SCMH1: variants seen among roughly 807,000 people sequenced by gnomAD.
The protein encoded by SCMH1 is polycomb protein SCMH1.
Under a neutral mutation model 70.8 loss-of-function variants are expected in SCMH1, and 37 were observed. The ratio of observed to expected loss-of-function variants is 0.52; its 90% confidence interval spans 0.40 to 0.69. The LOEUF is 0.69. Ranked by LOEUF, SCMH1 falls within the 30% of genes least tolerant of loss-of-function variation. The pLI is 0.00. For synonymous variants in SCMH1, 292 were observed against 307.4 expected (o/e 0.95, Z 0.52); for missense variants, 607 against 827.3 (o/e 0.73, Z 3.27).
intron 2 of SCMH1, among the ~76,000 whole-genome samples, chr1:41,175,153 A>C (rs1045562153): frequency 6.6e-6 from 1 of 152,226 alleles, no homozygotes; most frequent in African/African-American, 2.4e-5. Context: ...TTAACATTTG[A>C]ATCAGTAGAC....
chr1:41,174,624 T>A (rs1008844348), intron 2 of SCMH1, among the ~76,000 whole-genome samples: 8 of 152,174 alleles, frequency 5.3e-5, no homozygotes, highest in Non-Finnish European at 1.0e-4. Flanking sequence ...AGATAAGTTA[T>A]AAATACCAGC....
At chr1:41,070,821 G>T in intron 9 of SCMH1, 100 bp from the exon 10 acceptor site, 3 of 1,382,614 alleles carry the variant, frequency 2.2e-6, no homozygotes, top group Non-Finnish European at 3.0e-6. Flanking sequence ...TATATTTATG[G>T]ATGGAATAGT....
At chr1:41,028,801 C>T in intron 13 of SCMH1, 75 bp from the exon 15 acceptor site, 2 of 1,521,454 alleles carry the variant, frequency 1.3e-6, no homozygotes, top group Admixed American at 1.7e-5. Context: ...CTTGGCACAT[C>T]TCAGTGGCCT....
chr1:41,127,452 T>C (rs1047184504), intron 6 of SCMH1, among the ~76,000 whole-genome samples: 4 of 152,166 alleles, frequency 2.6e-5, no homozygotes, highest in African/African-American at 9.6e-5. Flanking sequence ...AGTACTTATA[T>C]AGTCATTTTT....
chr1:41,188,114 C>T (rs1017841262), intron 1 of SCMH1, among the ~76,000 whole-genome samples: 7 of 152,236 alleles, frequency 4.6e-5, no homozygotes, highest in African/African-American at 1.7e-4. Context: ...AGAACAGTAA[C>T]GTGAATCCTC....
intron 6 of SCMH1, among the ~76,000 whole-genome samples, chr1:41,133,195 G>A (rs1642665766): frequency 6.6e-6 from 1 of 152,110 alleles, no homozygotes; most frequent in Non-Finnish European, 1.5e-5. Flanking sequence ...TCTTCCATTT[G>A]TTTGTGTCCT....
intron 10 of SCMH1, 31 bp downstream of exon 10, chr1:41,070,564 G>T: frequency 1.2e-6 from 2 of 1,613,688 alleles, no homozygotes; most frequent in Non-Finnish European, 1.7e-6. Flanking sequence ...TCTGGGGCTT[G>T]TGCGCAGGTA....
chr1:41,049,026 C>T, intron 10 of SCMH1, 136 bp from the exon 11 acceptor site: 1 of 807,164 alleles, frequency 1.2e-6, no homozygotes, highest in Non-Finnish European at 1.9e-6. Context: ...TGGTGAAATG[C>T]TGTGGGAGGT....
chr1:41,106,040 A>T (rs1667820031), intron 8 of SCMH1, among the ~76,000 whole-genome samples: 1 of 151,438 alleles, frequency 6.6e-6, no homozygotes, highest in African/African-American at 2.4e-5. Flanking sequence ...ATGCCCAGCT[A>T]ATTTTTGTAT....
At chr1:41,239,824 C>G (rs914317740) in intron 1 of SCMH1, among the ~76,000 whole-genome samples, 1 of 152,116 alleles carries the variant, frequency 6.6e-6, no homozygotes, top group African/African-American at 2.4e-5. Flanking sequence ...TTTGTAGAGA[C>G]AGGGTCTTGC....
chr1:41,232,030 A>C (rs964522673), intron 1 of SCMH1, among the ~76,000 whole-genome samples: 3 of 151,994 alleles, frequency 2.0e-5, no homozygotes, highest in Non-Finnish European at 2.9e-5. Flanking sequence ...TCAAAAAAAA[A>C]AAAAAAAGAA....
At chr1:41,138,308 A>C (rs1643683287) in intron 6 of SCMH1, among the ~76,000 whole-genome samples, 1 of 152,182 alleles carries the variant, frequency 6.6e-6, no homozygotes, top group Admixed American at 6.6e-5. Flanking sequence ...TATAAATATA[A>C]AGGTAAAGGT....
At chr1:41,058,390 T>TTG (rs1651337722) in intron 10 of SCMH1, among the ~76,000 whole-genome samples, 1 of 130,822 alleles carries the variant, frequency 7.6e-6, no homozygotes, top group Non-Finnish European at 1.6e-5. Flanking sequence ...TTTTTTTTTT[T>TTG]TTTTTTTTTT....
chr1:41,104,518 T>G (rs926471080), intron 8 of SCMH1, among the ~76,000 whole-genome samples: 2 of 152,234 alleles, frequency 1.3e-5, no homozygotes, highest in African/African-American at 4.8e-5. Context: ...ATGTTTGTGG[T>G]GACAGATATC....
At chr1:41,179,363 C>T (rs1325354259) in intron 2 of SCMH1, among the ~76,000 whole-genome samples, 1 of 152,100 alleles carries the variant, frequency 6.6e-6, no homozygotes. Context: ...AAATAACTAA[C>T]ATCAGAGCAG....
At chr1:41,167,154 C>G in intron 2 of SCMH1, among the ~76,000 whole-genome samples, 1 of 151,938 alleles carries the variant, frequency 6.6e-6, no homozygotes, top group East Asian at 1.9e-4. Flanking sequence ...TTATTCATTT[C>G]CATCACATCC....
At chr1:41,092,495 A>G (rs1006635348) in intron 8 of SCMH1, among the ~76,000 whole-genome samples, 6 of 152,316 alleles carry the variant, frequency 3.9e-5, no homozygotes, top group Admixed American at 2.0e-4. Flanking sequence ...ACCAAAAGCA[A>G]TGGCAACAAA....
intron 1 of SCMH1, among the ~76,000 whole-genome samples, chr1:41,231,075 C>T (rs1661212688): frequency 6.6e-6 from 1 of 152,058 alleles, no homozygotes; most frequent in Non-Finnish European, 1.5e-5. Context: ...TTCTATATAC[C>T]ATGTTAAGAG....
intron 8 of SCMH1, among the ~76,000 whole-genome samples, chr1:41,108,201 A>G (rs537477750): frequency 6.6e-6 from 1 of 152,334 alleles, no homozygotes; most frequent in Admixed American, 6.5e-5. Context: ...TAGACAGCAG[A>G]CAGATCCAGT....
Sources: allele counts gnomAD v4.1 joint callset (sites outside exome capture counted in the v4.1 genomes callset), GRCh38; gene constraint gnomAD v4.1.1; transcripts MANE v1.5; gene names NCBI Gene and HGNC (gene_info 2026-07-23, HGNC 2026-07-21).